Variants in NAV3 observed in about 807,000 individuals in gnomAD.
NAV3 encodes neuron navigator 3.
A neutral mutation model predicts 244.7 loss-of-function variants in NAV3; 87 were observed. The ratio of observed to expected loss-of-function variants is 0.36; its 90% CI spans 0.30 to 0.42. The LOEUF (loss-of-function observed/expected upper bound fraction) is 0.42, where lower values mean the gene tolerates loss of function less well. Among genes scored for constraint, NAV3 ranks in the 20% least tolerant of loss-of-function variants. The probability of loss-of-function intolerance (pLI) is 1.00; values close to 1 mark genes in which losing one functional copy is unlikely to be tolerated. For synonymous variants in NAV3, 1,126 were observed against 1,042.2 expected, an observed-to-expected ratio of 1.08 and a Z score of -1.55; for missense variants, 2,663 against 2,893.3, an observed-to-expected ratio of 0.92 and a Z score of 1.83.
At chr12:78,049,930 T>C in intron 9 of NAV3, 63 bp from the exon 10 acceptor site, 2 of 1,040,822 alleles carry the variant, frequency 1.9e-6, no homozygotes, top group Non-Finnish European at 2.9e-6. Flanking sequence ...ATTATCTAGG[T>C]ATACAATTAT....
At chr12:77,873,805 T>C (rs1446550060) in intron 1 of NAV3, among the ~76,000 whole-genome samples, 2 of 145,828 alleles carry the variant, frequency 1.4e-5, no homozygotes, top group African/African-American at 5.0e-5. Context: ...AATTTCTAGA[T>C]ATATTGTGTC....
In NAV3 at chr12:77,603,709, T is replaced by C. The variant is rs368946492; in HGVS notation, c.72+31443T>C. Among the ~76,000 whole-genome samples, 52 of 152,116 alleles carry C rather than the reference T, an allele frequency of 3.4e-4. 3 individuals are homozygous for C. In the South Asian group the frequency reaches 0.01, roughly 30 times the overall value. On this transcript the variant is annotated intron_variant, in intron 2 of 8. Transcript: ENST00000550042. ...CGTCATGATGAAGGGAGAGGCAGGA[T>C]TGAACCTTGAATTGTGGGTGGATCG...
chr12:78,002,707 T>A (rs904772326), intron 7 of NAV3, among the ~76,000 whole-genome samples: 1 of 152,168 alleles, frequency 6.6e-6, no homozygotes, highest in Non-Finnish European at 1.5e-5. Flanking sequence ...TAATTATGCA[T>A]TTTAATGCTT....
chr12:77,864,210 A>C (rs1454309534), intron 1 of NAV3, among the ~76,000 whole-genome samples: 1 of 151,594 alleles, frequency 6.6e-6, no homozygotes, highest in African/African-American at 2.4e-5. Context: ...TTCCATTTTC[A>C]GTCTTTTCCT....
At chr12:77,786,124 CT>C (rs1207944335) in intron 2 of NAV3, among the ~76,000 whole-genome samples, 1 of 152,002 alleles carries the variant, frequency 6.6e-6, no homozygotes, top group African/African-American at 2.4e-5. Context: ...CAAATAGCGC[CT>C]CTTAAAAAAA....
intron 2 of NAV3, among the ~76,000 whole-genome samples, chr12:77,678,902 T>C (rs1169283903): frequency 6.6e-6 from 1 of 152,186 alleles, no homozygotes; most frequent in Non-Finnish European, 1.5e-5. Context: ...GAAAGCTTTC[T>C]GGCTTCTGTT....
chr12:77,873,677 G>GTGTGTA (rs1212077365), intron 1 of NAV3, among the ~76,000 whole-genome samples: 1 of 69,432 alleles, frequency 1.4e-5, no homozygotes. Context: ...TGATTTGTAT[G>GTGTGTA]TGTATATATA....
chr12:77,852,109 TAAATA>T (rs1471538081), intron 1 of NAV3, among the ~76,000 whole-genome samples: 1 of 152,154 alleles, frequency 6.6e-6, no homozygotes, highest in East Asian at 1.9e-4. Flanking sequence ...AGCAAAAGTA[TAAATA>T]AAATGATGAC....
At chr12:78,036,742 T>G in intron 9 of NAV3, 1 of 591,984 alleles carries the variant, frequency 1.7e-6, no homozygotes, top group Non-Finnish European at 3.0e-6. Flanking sequence ...CTTCTGTGAA[T>G]GTGTGAGCTT....
chr12:77,944,361 C>G (rs1002623539), intron 3 of NAV3, among the ~76,000 whole-genome samples: 3 of 152,078 alleles, frequency 2.0e-5, no homozygotes, highest in African/African-American at 4.8e-5. Context: ...GTGTTGGTGT[C>G]CAGTTGAATG....
chr12:78,147,634 G>A (rs1391080890), intron 21 of NAV3, among the ~76,000 whole-genome samples: 2 of 149,282 alleles, frequency 1.3e-5, no homozygotes, highest in African/African-American at 4.9e-5. Flanking sequence ...AAACAGGAAC[G>A]AAGTAGAATC....
At chr12:77,770,962 C>G (rs1592666828) in intron 2 of NAV3, among the ~76,000 whole-genome samples, 2 of 152,176 alleles carry the variant, frequency 1.3e-5, no homozygotes, top group East Asian at 3.9e-4. Context: ...AAACTACCAT[C>G]AGCGTGAACA....
chr12:78,063,074 G>T (rs1220799839), intron 12 of NAV3, among the ~76,000 whole-genome samples: 1 of 152,144 alleles, frequency 6.6e-6, no homozygotes, highest in Admixed American at 6.6e-5. Context: ...GTTAAAATGT[G>T]ATGGACATTA....
intron 21 of NAV3, among the ~76,000 whole-genome samples, 190 bp from the exon 22 acceptor site, chr12:78,148,652 A>G (rs1325925347): frequency 6.6e-6 from 1 of 152,118 alleles, no homozygotes; most frequent in Non-Finnish European, 1.5e-5. Flanking sequence ...TTGACACATA[A>G]CACTTTGCTT....
rs541015205 is a variant in NAV3 at position 77,792,323 on chromosome 12, A to C, written c.73-147996A>C. Among the ~76,000 whole-genome samples the C allele has an allele frequency of 3.3e-4, 50 of 152,302 alleles. No homozygotes were observed. In the South Asian group the frequency reaches 9.9e-3, roughly 30 times the overall value. On this transcript the variant is annotated intron_variant, in intron 2 of 8. Transcript: ENST00000550042. ...TTTCTGTTTTAACCCACATTCTGTC[A>C]GGTTGGTGGAGAATTAATCCTAAGC... is the stretch of plus-strand genomic sequence containing the variant.
chr12:77,583,016 A>G (rs1869440045), intron 2 of NAV3, among the ~76,000 whole-genome samples: 1 of 152,176 alleles, frequency 6.6e-6, no homozygotes, highest in Non-Finnish European at 1.5e-5. Context: ...ACTTTGATAA[A>G]CATTCTTAAA....
At chr12:78,024,202 A>G (rs1375900808) in intron 9 of NAV3, among the ~76,000 whole-genome samples, 1 of 152,088 alleles carries the variant, frequency 6.6e-6, no homozygotes, top group Admixed American at 6.6e-5. Flanking sequence ...TTATTTTTAT[A>G]TATCCTAACT....
chr12:78,089,093 T>C (rs1328726697), intron 12 of NAV3, among the ~76,000 whole-genome samples: 3 of 152,138 alleles, frequency 2.0e-5, no homozygotes, highest in Non-Finnish European at 4.4e-5. Flanking sequence ...TTTGCAAATA[T>C]CGCAGGTCAG....
intron 1 of NAV3, among the ~76,000 whole-genome samples, chr12:77,904,090 T>C (rs1269717541): frequency 6.6e-6 from 1 of 152,222 alleles, no homozygotes; most frequent in Non-Finnish European, 1.5e-5. Flanking sequence ...AGTGTGGCTA[T>C]TCCTCAGGGA....
Sources: gnomAD v4.1 joint callset for allele counts (sites outside exome capture counted in the v4.1 genomes callset) on GRCh38, gnomAD v4.1.1 for gene constraint, MANE v1.5 for transcripts, NCBI Gene and HGNC (gene_info 2026-07-23, HGNC 2026-07-21) for gene names.